The following DYRK1A variants were observed in gnomAD, a reference collection of about 807,000 sequenced individuals.
DYRK1A encodes dual specificity tyrosine phosphorylation regulated kinase 1A.
DYRK1A carries 9 observed loss-of-function variants against 79.7 expected under a neutral mutation model. The ratio of observed to expected loss-of-function variants is 0.11; its 90% CI spans 0.07 to 0.20. The LOEUF (loss-of-function observed/expected upper bound fraction) is 0.20, where lower values mean the gene tolerates loss of function less well. DYRK1A is among the 10% of genes least tolerant of loss of function. The pLI is 1.00. For missense variants in DYRK1A, 622 were observed against 956.0 expected (o/e 0.65, Z 4.61); for synonymous variants, 349 against 329.7 (o/e 1.06, Z -0.63).
intron 1 of DYRK1A, among the ~76,000 whole-genome samples, chr21:37,377,371 G>A (rs1052816519): frequency 1.3e-5 from 2 of 151,958 alleles, no homozygotes; most frequent in African/African-American, 2.4e-5. Flanking sequence ...CGCTTACCTC[G>A]GCCTCCCAAA....
intron 5 of DYRK1A, among the ~76,000 whole-genome samples, chr21:37,485,113 C>T (rs1413386119): frequency 6.6e-6 from 1 of 151,994 alleles, no homozygotes; most frequent in African/African-American, 2.4e-5. Context: ...CAGTTAAATT[C>T]TCTAGGCATT....
At chr21:37,468,752 G>GT (rs777519999) in intron 2 of DYRK1A, among the ~76,000 whole-genome samples, 2 of 151,938 alleles carry the variant, frequency 1.3e-5, no homozygotes, top group Non-Finnish European at 2.9e-5. Context: ...AAAGCCCAGT[G>GT]TTTAGAAGGT....
chr21:37,444,276 G>C (rs1660498772), intron 2 of DYRK1A, among the ~76,000 whole-genome samples: 1 of 152,182 alleles, frequency 6.6e-6, no homozygotes, highest in African/African-American at 2.4e-5. Flanking sequence ...TATAACTAGT[G>C]ATTACCCGAA....
chr21:37,464,818 A>AT (rs890502199), intron 2 of DYRK1A, among the ~76,000 whole-genome samples: 12 of 152,288 alleles, frequency 7.9e-5, no homozygotes, highest in South Asian at 6.2e-4. Context: ...GAACTGAGTC[A>AT]TTTTTTCCAT....
At chr21:37,440,657 T>C (rs888685229) in intron 2 of DYRK1A, among the ~76,000 whole-genome samples, 8 of 152,204 alleles carry the variant, frequency 5.3e-5, no homozygotes, top group African/African-American at 1.4e-4. Flanking sequence ...AGGACTATTT[T>C]GTTTTGAGTT....
intron 2 of DYRK1A, among the ~76,000 whole-genome samples, chr21:37,433,046 T>TAC (rs2050823287): frequency 9.6e-6 from 1 of 103,970 alleles, no homozygotes; most frequent in Non-Finnish European, 1.8e-5. Context: ...GAATTCTAAA[T>TAC]ATATATATAT....
intron 2 of DYRK1A, among the ~76,000 whole-genome samples, chr21:37,465,543 A>G (rs781333668): frequency 5.3e-5 from 8 of 152,200 alleles, no homozygotes; most frequent in Non-Finnish European, 1.2e-4. Flanking sequence ...CTTGTTAGAA[A>G]TGTTGACCCT....
At chr21:37,412,373 C>T (rs1014378620) in intron 1 of DYRK1A, among the ~76,000 whole-genome samples, 2 of 152,162 alleles carry the variant, frequency 1.3e-5, no homozygotes, top group Non-Finnish European at 2.9e-5. Context: ...ATTAGGGCAG[C>T]GGATACAGCT....
chr21:37,507,498 C>G (rs113198012), intron 11 of DYRK1A, among the ~76,000 whole-genome samples: 1 of 152,016 alleles, frequency 6.6e-6, no homozygotes, highest in African/African-American at 2.4e-5. Flanking sequence ...AGGTCCTGCC[C>G]TCCAACTCTC....
chr21:37,426,980 G>A (rs1474501451), intron 2 of DYRK1A, among the ~76,000 whole-genome samples: 1 of 151,464 alleles, frequency 6.6e-6, no homozygotes, highest in African/African-American at 2.4e-5. Flanking sequence ...AAGCATTCCA[G>A]AGAAAGCGAC....
chr21:37,469,823 C>A (rs1404475421), intron 2 of DYRK1A, among the ~76,000 whole-genome samples: 2 of 152,154 alleles, frequency 1.3e-5, no homozygotes, highest in African/African-American at 4.8e-5. Flanking sequence ...TACAGTTCGA[C>A]ATGAGAATTA....
chr21:37,505,745 C>A (rs1433664040), intron 10 of DYRK1A, among the ~76,000 whole-genome samples, 156 bp downstream of exon 10: 6 of 152,164 alleles, frequency 3.9e-5, no homozygotes, highest in Admixed American at 3.9e-4. Flanking sequence ...ATTCATCTCC[C>A]CCAAAGCTCC....
At position 37,413,769 on chromosome 21, in the gene DYRK1A, A is replaced by G. The variant is rs910741675; in HGVS notation, c.-76-6530A>G. ...TTAAGATCTAGAATTGATTTGAATA[A>G]TAGAAATTTTGAGTACATTTTGTGT... On this transcript the variant is annotated intron_variant, in intron 1 of 11. Coordinates refer to ENST00000647188, the MANE Select transcript of DYRK1A (RefSeq NM_001347721.2). Among the ~76,000 whole-genome samples, 8 of 152,294 alleles carry G rather than the reference A, an allele frequency of 5.3e-5. No homozygotes were observed. In the East Asian group the frequency reaches 1.5e-3, roughly 29 times the overall value.
chr21:37,453,795 AGAAAG>A (rs1365044264), intron 2 of DYRK1A, among the ~76,000 whole-genome samples: 3 of 152,214 alleles, frequency 2.0e-5, no homozygotes, highest in Admixed American at 1.3e-4. Flanking sequence ...ACTTAACAAA[AGAAAG>A]GAAAATAAAA....
chr21:37,476,550 G>A (rs2052399047), intron 3 of DYRK1A, among the ~76,000 whole-genome samples: 1 of 152,128 alleles, frequency 6.6e-6, no homozygotes, highest in Non-Finnish European at 1.5e-5. Context: ...TGAAAACAAT[G>A]CTGGGAACTT....
intron 2 of DYRK1A, among the ~76,000 whole-genome samples, chr21:37,438,590 C>T (rs1196884610): frequency 2.0e-5 from 3 of 152,160 alleles, no homozygotes; most frequent in African/African-American, 4.8e-5. Context: ...ACTGTCCTTT[C>T]TCCACTGAAT....
chr21:37,394,646 C>G (rs1256532052), intron 1 of DYRK1A, among the ~76,000 whole-genome samples: 2 of 152,234 alleles, frequency 1.3e-5, no homozygotes, highest in Non-Finnish European at 2.9e-5. Context: ...TTGTGAACTG[C>G]ACATGTGAGG....
intron 1 of DYRK1A, among the ~76,000 whole-genome samples, chr21:37,385,160 T>G (rs192631789): frequency 3.3e-5 from 5 of 152,260 alleles, no homozygotes; most frequent in Admixed American, 2.0e-4. Flanking sequence ...AAGAACTTTA[T>G]TATGTAGCAG....
upstream of DYRK1A, chr21:37,365,998 G>C (rs994139363): frequency 6.6e-6 from 1 of 152,118 alleles, no homozygotes; most frequent in African/African-American, 2.4e-5. Context: ...CGCCGGGCCC[G>C]GCGCAGCGTC....
Sources: gnomAD v4.1 joint callset for allele counts (sites outside exome capture counted in the v4.1 genomes callset) on GRCh38, gnomAD v4.1.1 for gene constraint, MANE v1.5 for transcripts, NCBI Gene and HGNC (gene_info 2026-07-23, HGNC 2026-07-21) for gene names.